The following MAP2K5 variants were observed in gnomAD, a reference collection of about 807,000 sequenced individuals.
MAP2K5 encodes the protein mitogen-activated protein kinase kinase 5.
A neutral mutation model predicts 83.1 loss-of-function variants in MAP2K5; 49 were observed. The observed-to-expected ratio is 0.59, with a 90% CI of 0.47 to 0.75. The LOEUF (loss-of-function observed/expected upper bound fraction) is 0.75, where lower values mean the gene tolerates loss of function less well. Ranked by LOEUF, MAP2K5 falls within the 30% of genes least tolerant of loss-of-function variation. MAP2K5 has a pLI of 0.00. For synonymous variants in MAP2K5, 202 were observed against 191.8 expected (o/e 1.05, Z -0.44); for missense variants, 457 against 557.5 (o/e 0.82, Z 1.82).
At chr15:67,592,118 CAAAAA>C (rs71142384) in intron 6 of MAP2K5, among the ~76,000 whole-genome samples, 1 of 117,994 alleles carries the variant, frequency 8.5e-6, no homozygotes, top group Non-Finnish European at 1.7e-5. Flanking sequence ...AACTATGTCT[CAAAAA>C]AAAAAAAAAA....
At chr15:67,687,109 A>AT (rs745814034) in intron 13 of MAP2K5, among the ~76,000 whole-genome samples, 9 of 151,958 alleles carry the variant, frequency 5.9e-5, no homozygotes, top group Non-Finnish European at 5.9e-5. Flanking sequence ...AGTAAAATTG[A>AT]TTTTTTTAAT....
intron 15 of MAP2K5, among the ~76,000 whole-genome samples, chr15:67,694,827 T>C (rs569776610): frequency 7.2e-5 from 11 of 152,146 alleles, no homozygotes; most frequent in Admixed American, 5.2e-4. Context: ...TATTGTGGCA[T>C]TATTCACAAT....
intron 17 of MAP2K5, among the ~76,000 whole-genome samples, chr15:67,732,767 G>A (rs919710788): frequency 9.9e-5 from 15 of 151,918 alleles, no homozygotes; most frequent in African/African-American, 3.4e-4. Flanking sequence ...CCTGGAGGCT[G>A]TACTAGATTT....
chr15:67,718,134 T>C (rs1006726925), intron 16 of MAP2K5: 2 of 152,158 alleles, frequency 1.3e-5, no homozygotes, highest in Admixed American at 1.3e-4. Context: ...TATGAGAATA[T>C]CAGCTGTTTA....
intron 20 of MAP2K5, among the ~76,000 whole-genome samples, chr15:67,771,619 C>T (rs757809014): frequency 1.3e-4 from 20 of 152,064 alleles, no homozygotes; most frequent in South Asian, 2.1e-4. Flanking sequence ...ACTCCACTGG[C>T]GAGACAGCTT....
chr15:67,712,184 C>T (rs2088706929), intron 16 of MAP2K5, among the ~76,000 whole-genome samples: 1 of 152,182 alleles, frequency 6.6e-6, no homozygotes, highest in Non-Finnish European at 1.5e-5. Context: ...CTAGGACACT[C>T]GTGATTACTT....
chr15:67,767,841 G>A (rs745212), intron 19 of MAP2K5, among the ~76,000 whole-genome samples: 54,096 of 151,874 alleles, frequency 0.36, 9,767 homozygotes, highest in South Asian at 0.45. Flanking sequence ...TAATGCCTGC[G>A]TGTAATCCTT....
chr15:67,704,858 A>G (rs1461169394), intron 16 of MAP2K5, among the ~76,000 whole-genome samples: 1 of 152,236 alleles, frequency 6.6e-6, no homozygotes, highest in East Asian at 1.9e-4. Context: ...ATGACTGGAT[A>G]TAGTGTAAGA....
rs3784709 is a variant in MAP2K5 at position 67,779,937 on chromosome 15, C to T, written c.1242+7185C>T. ...TCCTCATTGGCCATGACTCAGCTCA[C>T]TAGAACTTTCTGTTATTTGGGTGGT... On this transcript the variant is annotated intron_variant, in intron 21 of 21. Coordinates refer to ENST00000178640, the MANE Select transcript of MAP2K5 (RefSeq NM_145160.3). This position sits in a 1 kb window ranked among gnomAD's most constrained non-coding sequence, Gnocchi z 4.6. Among the ~76,000 whole-genome samples, 55,804 of 151,978 alleles carry T rather than the reference C, an allele frequency of 0.37. 11,014 individuals carry two copies. Among genetic ancestry groups the T allele is most frequent in the East Asian group, 0.69 (3,571 of 5,172 alleles).
intron 8 of MAP2K5, among the ~76,000 whole-genome samples, chr15:67,614,097 C>G (rs978646478): frequency 1.2e-4 from 19 of 152,118 alleles, no homozygotes; most frequent in African/African-American, 4.6e-4. Context: ...TCACACAAAG[C>G]TTGTTGGGAC....
At chr15:67,598,014 G>A (rs2141022034) in intron 7 of MAP2K5, among the ~76,000 whole-genome samples, 1 of 152,164 alleles carries the variant, frequency 6.6e-6, no homozygotes, top group Non-Finnish European at 1.5e-5. Flanking sequence ...AGACCAGCCC[G>A]GATATCATGG....
chr15:67,577,990 ACT>A lies in MAP2K5; in HGVS notation c.253-2761_253-2760del, dbSNP rs1469645628. Among the ~76,000 whole-genome samples the A allele has an allele frequency of 1.3e-5, 2 of 151,688 alleles. No individual in the cohort carries two copies. Among genetic ancestry groups the A allele is most frequent in the Non-Finnish European group, 2.9e-5 (2 of 67,940 alleles). On this transcript the variant is annotated intron_variant, in intron 3 of 21. Coordinates refer to ENST00000178640, the MANE Select transcript of MAP2K5 (RefSeq NM_145160.3). The surrounding 1 kb of genome is among the most constrained non-coding windows in gnomAD (Gnocchi z 4.1). ...ACTCTAGCCTGGGTGACAGAGCAAG[ACT>A]CTGTCTCAAAAAAAAAGAAAACCCC... is the stretch of plus-strand genomic sequence containing the variant.
At position 67,782,082 on chromosome 15, in the gene MAP2K5, C is replaced by T. The variant is rs1163441803; in HGVS notation, c.1242+9330C>T. Among the ~76,000 whole-genome samples, 2 of 152,190 alleles carry T rather than the reference C, an allele frequency of 1.3e-5. No homozygotes were observed. Among genetic ancestry groups the T allele is most frequent in the Admixed American group, 6.5e-5 (1 of 15,284 alleles). On this transcript the variant is annotated intron_variant, in intron 21 of 21. Transcript: ENST00000178640. The surrounding 1 kb of genome is among the most constrained non-coding windows in gnomAD (Gnocchi z 4.9). ...TCTGAATCCCCAGTGGAGCAGCAGT[C>T]ATTGTGGAAGAGCCTTTTAGCACCT...
At chr15:67,607,593 C>G (rs142201712) in intron 8 of MAP2K5, among the ~76,000 whole-genome samples, 61 of 152,210 alleles carry the variant, frequency 4.0e-4, no homozygotes, top group Middle Eastern at 3.4e-3. Flanking sequence ...AGTTTCCACC[C>G]GAATTAACTA....
rs574434613 is a variant in MAP2K5 at position 67,748,025 on chromosome 15, T to C, written c.1075-206T>C. 6.6e-6 allele frequency among the ~76,000 whole-genome samples: 1 copy of C among 152,264 alleles called. No individual in the cohort carries two copies. Among genetic ancestry groups the C allele is most frequent in the Admixed American group, 6.5e-5 (1 of 15,294 alleles). On this transcript the variant is annotated intron_variant, in intron 17 of 21. Transcript: ENST00000178640. The surrounding 1 kb of genome is among the most constrained non-coding windows in gnomAD (Gnocchi z 4.0). ...ATACAACCTGGAGGGTACTAAAAAG[T>C]GTTGTGTGAAATTAACATTCTGCTG... is the stretch of plus-strand genomic sequence containing the variant.
At position 67,658,632 on chromosome 15, in the gene MAP2K5, G is replaced by C; in HGVS notation, c.798+18G>C. On this transcript the variant is annotated intron_variant, in intron 12 of 21. Transcript: ENST00000178640. ...CAGTAGCAGTAAGTATATGGCTTCA[G>C]TGTTAGGAAATTTGAGTGATTTAAT... 1 of 1,598,816 alleles carries C rather than the reference G, an allele frequency of 6.3e-7. No individual in the cohort carries two copies. Among genetic ancestry groups the C allele is most frequent in the African/African-American group, 1.3e-5 (1 of 74,692 alleles).
chr15:67,710,774 G>T (rs1431881510), intron 16 of MAP2K5, among the ~76,000 whole-genome samples: 3 of 152,302 alleles, frequency 2.0e-5, no homozygotes, highest in Non-Finnish European at 4.4e-5. Flanking sequence ...AAAGTGCTGG[G>T]ATTACAGGCA....
intron 13 of MAP2K5, chr15:67,670,273 A>G (rs963293885): frequency 2.7e-6 from 1 of 372,394 alleles, no homozygotes; most frequent in African/African-American, 2.1e-5. Context: ...ACAATTTTCC[A>G]TCCTATGGGA....
At chr15:67,551,070 C>A in intron 2 of MAP2K5, among the ~76,000 whole-genome samples, 1 of 152,132 alleles carries the variant, frequency 6.6e-6, no homozygotes, top group Non-Finnish European at 1.5e-5. Context: ...CTGCACCTGG[C>A]CAGAGGGTCA....
Sources: gnomAD v4.1 joint callset for allele counts (sites outside exome capture counted in the v4.1 genomes callset) on GRCh38, gnomAD v4.1.1 for gene constraint, Gnocchi (gnomAD v3.1) non-coding constraint, MANE v1.5 for transcripts, NCBI Gene and HGNC (gene_info 2026-07-23, HGNC 2026-07-21) for gene names.